The following GATA4 variants were observed in gnomAD, a reference collection of about 807,000 sequenced individuals.
GATA4 encodes the protein transcription factor GATA-4.
A neutral mutation model predicts 37.9 loss-of-function variants in GATA4; 7 were observed. The ratio of observed to expected loss-of-function variants is 0.18; its 90% confidence interval spans 0.11 to 0.35. The LOEUF is 0.35. GATA4 is among the 10% of genes least tolerant of loss of function. The pLI, the probability that GATA4 is intolerant of heterozygous loss-of-function variation, is 1.00. For synonymous variants in GATA4, 372 were observed against 292.6 expected, an observed-to-expected ratio of 1.27 and a Z score of -2.77; for missense variants, 647 against 653.0, an observed-to-expected ratio of 0.99 and a Z score of 0.10.
At chr8:11,677,297 C>G (rs1585534135) in intron 1 of GATA4, among the ~76,000 whole-genome samples, 1 of 152,206 alleles carries the variant, frequency 6.6e-6, no homozygotes, top group East Asian at 1.9e-4. Flanking sequence ...AAGGCCAGGC[C>G]GCAGACGCCG....
At chr8:11,687,685 C>T (rs1174697502), upstream of GATA4, among the ~76,000 whole-genome samples, 1 of 152,148 alleles carries the variant, frequency 6.6e-6, no homozygotes, top group Admixed American at 6.5e-5. Flanking sequence ...CTCAAAATGC[C>T]TTGCTCTAAC....
intron 2 of GATA4, among the ~76,000 whole-genome samples, chr8:11,720,202 A>C (rs1800608036): frequency 6.6e-6 from 1 of 151,776 alleles, no homozygotes. Flanking sequence ...AATGGTGAGA[A>C]GGACTGCTCT....
At chr8:11,740,510 C>T (rs1449592010) in intron 2 of GATA4, among the ~76,000 whole-genome samples, 2 of 152,222 alleles carry the variant, frequency 1.3e-5, no homozygotes, top group Non-Finnish European at 2.9e-5. Flanking sequence ...AACACAGCAG[C>T]TGGGAGGCCC....
At chr8:11,738,117 G>T (rs1801546716) in intron 2 of GATA4, among the ~76,000 whole-genome samples, 1 of 149,592 alleles carries the variant, frequency 6.7e-6, no homozygotes, top group South Asian at 2.1e-4. Context: ...GGAGGTGGAG[G>T]TTGCAGTGAG....
At chr8:11,746,598 CCTT>C (rs1802044758) in intron 2 of GATA4, among the ~76,000 whole-genome samples, 1 of 152,228 alleles carries the variant, frequency 6.6e-6, no homozygotes, top group African/African-American at 2.4e-5. Context: ...GGTCTAATGT[CCTT>C]CTGTAAATTC....
intron 5 of GATA4, among the ~76,000 whole-genome samples, chr8:11,756,246 A>C (rs1802561986): frequency 6.6e-6 from 1 of 152,158 alleles, no homozygotes; most frequent in Non-Finnish European, 1.5e-5. Context: ...AACATGATCA[A>C]AGTTCTGCTT....
At chr8:11,723,956 ATTAAAT>A (rs986071778) in intron 2 of GATA4, among the ~76,000 whole-genome samples, 4 of 152,206 alleles carry the variant, frequency 2.6e-5, no homozygotes, top group African/African-American at 9.6e-5. Flanking sequence ...CTCTGTACCC[ATTAAAT>A]AACGTCTCCG....
chr8:11,740,470 G>C (rs1461661557), intron 2 of GATA4, among the ~76,000 whole-genome samples: 1 of 152,216 alleles, frequency 6.6e-6, no homozygotes, highest in African/African-American at 2.4e-5. Context: ...CCAGGTTTCG[G>C]GGTGGGGACT....
intron 2 of GATA4, among the ~76,000 whole-genome samples, chr8:11,737,418 G>A (rs899469915): frequency 2.6e-5 from 4 of 152,240 alleles, no homozygotes; most frequent in African/African-American, 9.6e-5. Flanking sequence ...TGAGGGAGCT[G>A]CCCTGGCAAT....
At chr8:11,741,343 G>T (rs1801728929) in intron 2 of GATA4, among the ~76,000 whole-genome samples, 1 of 152,058 alleles carries the variant, frequency 6.6e-6, no homozygotes, top group Non-Finnish European at 1.5e-5. Flanking sequence ...GCTGAGCGTG[G>T]TGGTGTGCAA....
At chr8:11,724,567 G>A (rs569446752) in intron 2 of GATA4, among the ~76,000 whole-genome samples, 5 of 152,290 alleles carry the variant, frequency 3.3e-5, no homozygotes, top group East Asian at 1.9e-4. Flanking sequence ...CCTGAAACCC[G>A]CCCTGTGTTG....
At chr8:11,704,877 G>A (rs1799822757) in intron 1 of GATA4, among the ~76,000 whole-genome samples, 1 of 152,240 alleles carries the variant, frequency 6.6e-6, no homozygotes, top group Admixed American at 6.5e-5. Flanking sequence ...CGCCCTCGGG[G>A]CTGGGGTCCA....
Position 11,758,220 on chromosome 8 carries a change from C to T in GATA4, c.1150-73C>T, listed in dbSNP as rs529461455. On this transcript the variant is annotated intron_variant, in intron 6 of 6. Coordinates refer to ENST00000532059, the MANE Select transcript of GATA4 (RefSeq NM_001308093.3). The stretch of plus-strand genomic sequence containing the variant: ...TGGGGACATCTGCATAGCAGGGCAC[C>T]CTCCCCAGCCTAGACCTCCCAAGCC... 5 of 1,502,228 alleles carry T rather than the reference C, an allele frequency of 3.3e-6. No individual in the cohort carries two copies. In the South Asian group the frequency reaches 5.6e-5, roughly 17 times the overall value. 93.1% of individuals were successfully genotyped at this position (1,502,228 alleles called of 1,614,324 possible). A position where few individuals can be genotyped will look rare whatever the true frequency, so the allele number is the denominator to read the frequency against.
chr8:11,713,096 C>T (rs58320142), intron 2 of GATA4, among the ~76,000 whole-genome samples: 4,140 of 151,958 alleles, frequency 0.027, 176 homozygotes, highest in African/African-American at 0.094. Context: ...CAATATCTTG[C>T]CATAGTTCTT....
At chr8:11,701,302 C>G (rs528224871), upstream of GATA4, among the ~76,000 whole-genome samples, 7 of 149,824 alleles carry the variant, frequency 4.7e-5, no homozygotes, top group African/African-American at 1.7e-4. Flanking sequence ...TCCTCCTAGA[C>G]TACGGGAAAG....
chr8:11,682,604 T>TA (rs34065675), intron 1 of GATA4, among the ~76,000 whole-genome samples: 15 of 151,946 alleles, frequency 9.9e-5, no homozygotes, highest in African/African-American at 1.7e-4. Context: ...CTTTAACTCT[T>TA]AAAAAAAAAT....
intron 5 of GATA4, chr8:11,756,505 T>G (rs527571867): frequency 2.6e-5 from 6 of 234,780 alleles, no homozygotes; most frequent in South Asian, 1.1e-4. Flanking sequence ...AAAACCTATT[T>G]TGAACAGACA....
At chr8:11,746,657 G>A (rs1479817237) in intron 2 of GATA4, among the ~76,000 whole-genome samples, 7 of 152,330 alleles carry the variant, frequency 4.6e-5, no homozygotes, top group African/African-American at 7.2e-5. Flanking sequence ...TGAAAGAAGC[G>A]GGGCTGACAG....
chr8:11,699,671 C>A (rs1357702512), upstream of GATA4, among the ~76,000 whole-genome samples: 3 of 152,252 alleles, frequency 2.0e-5, no homozygotes, highest in Non-Finnish European at 4.4e-5. Context: ...CCTGGACTTG[C>A]AGGCACTGGA....
Sources: gnomAD v4.1 joint callset for allele counts (sites outside exome capture counted in the v4.1 genomes callset) on GRCh38, gnomAD v4.1.1 for gene constraint, MANE v1.5 for transcripts, NCBI Gene and HGNC (gene_info 2026-07-23, HGNC 2026-07-21) for gene names.